Variants in GGACT observed in about 807,000 individuals in gnomAD.
The protein encoded by GGACT is gamma-glutamylaminecyclotransferase.
For missense variants in GGACT, 241 were observed against 233.2 expected (o/e 1.03, Z -0.22); for synonymous variants, 118 against 115.3 (o/e 1.02, Z -0.15).
In GGACT at chr13:100,530,587, A is replaced by C; in HGVS notation, c.*1543T>G. 3.4e-6 allele frequency: 1 copy of C among 290,566 alleles called. No individual in the cohort carries two copies. The highest frequency in any genetic ancestry group is 6.6e-6 in the Non-Finnish European group (1 of 151,398). 18.0% of individuals were successfully genotyped at this position (290,566 alleles called of 1,614,324 possible). On this transcript the variant is annotated 3_prime_UTR_variant, in exon 3 of 3. Coordinates refer to ENST00000683975, the MANE Select transcript of GGACT (RefSeq NM_001195087.2). ...TTGCTTTATTAAATTAGCACTTGCC[A>C]TTTTTTCATCTGATTGCCTTACTAC... is the stretch of plus-strand genomic sequence containing the variant.
intron 2 of GGACT, among the ~76,000 whole-genome samples, chr13:100,542,831 G>T (rs1309607663): frequency 2.0e-5 from 3 of 152,192 alleles, no homozygotes; most frequent in Non-Finnish European, 2.9e-5. Flanking sequence ...GAAGACTCAT[G>T]AGCTGTCCAT....
chr13:100,557,151 A>G (rs1290563853), intron 2 of GGACT, among the ~76,000 whole-genome samples: 31 of 152,234 alleles, frequency 2.0e-4, no homozygotes, highest in Non-Finnish European at 5.9e-5. Flanking sequence ...TTGGCCTCCT[A>G]AAGTGCTGGG....
At chr13:100,569,003 G>A (rs566209540) in intron 2 of GGACT, among the ~76,000 whole-genome samples, 10 of 152,376 alleles carry the variant, frequency 6.6e-5, no homozygotes, top group Non-Finnish European at 8.8e-5. Context: ...TGCAAGAGGT[G>A]GGCTCTCATG....
intron 2 of GGACT, among the ~76,000 whole-genome samples, chr13:100,572,421 T>C (rs1162689187): frequency 6.6e-6 from 1 of 152,192 alleles, no homozygotes; most frequent in African/African-American, 2.4e-5. Flanking sequence ...AGTTGTTTAA[T>C]GGATATAGAA....
At chr13:100,580,728 G>A (rs1458905268) in intron 2 of GGACT, among the ~76,000 whole-genome samples, 2 of 152,170 alleles carry the variant, frequency 1.3e-5, no homozygotes, top group African/African-American at 2.4e-5. Flanking sequence ...GGGAAGCTAT[G>A]AAATCTGCAC....
intron 2 of GGACT, among the ~76,000 whole-genome samples, chr13:100,554,404 A>C (rs537465250): frequency 2.0e-5 from 3 of 152,306 alleles, no homozygotes; most frequent in Non-Finnish European, 4.4e-5. Context: ...TTGCATTAGA[A>C]AAAGTGAGGG....
chr13:100,582,458 C>G (rs1452189689), intron 2 of GGACT, among the ~76,000 whole-genome samples: 2 of 152,138 alleles, frequency 1.3e-5, no homozygotes, highest in Non-Finnish European at 2.9e-5. Context: ...AACTCCTATG[C>G]CAAAAGGGAC....
intron 2 of GGACT, among the ~76,000 whole-genome samples, chr13:100,580,819 C>T (rs1875393629): frequency 6.6e-6 from 1 of 152,150 alleles, no homozygotes; most frequent in Non-Finnish European, 1.5e-5. Flanking sequence ...CACCTGTTGG[C>T]CCAGTCTACA....
intron 2 of GGACT, among the ~76,000 whole-genome samples, chr13:100,567,127 C>T (rs770677760): frequency 2.0e-4 from 30 of 152,202 alleles, no homozygotes; most frequent in Non-Finnish European, 7.3e-5. Flanking sequence ...ATGATTTCAA[C>T]TTGCTCCATT....
chr13:100,547,931 C>T (rs980877785), intron 2 of GGACT, among the ~76,000 whole-genome samples: 11 of 152,212 alleles, frequency 7.2e-5, no homozygotes, highest in Admixed American at 2.6e-4. Context: ...GAGTATTTTT[C>T]CAGGCCTGCT....
chr13:100,577,757 A>T (rs1020767333), intron 2 of GGACT, among the ~76,000 whole-genome samples: 5 of 151,794 alleles, frequency 3.3e-5, no homozygotes, highest in African/African-American at 1.2e-4. Context: ...ATGTCTGGAA[A>T]TGTTCACAGT....
intron 2 of GGACT, among the ~76,000 whole-genome samples, chr13:100,543,792 G>C (rs2088578238): frequency 6.6e-6 from 1 of 152,230 alleles, no homozygotes; most frequent in African/African-American, 2.4e-5. Context: ...AATAGTATCA[G>C]AATCATAAAC....
chr13:100,573,878 A>G (rs1460322485), intron 2 of GGACT, among the ~76,000 whole-genome samples: 1 of 97,268 alleles, frequency 1.0e-5, no homozygotes. Context: ...GGCATTATCA[A>G]AAAGTCAAAA....
intron 2 of GGACT, among the ~76,000 whole-genome samples, chr13:100,581,950 G>A (rs954151826): frequency 6.6e-6 from 1 of 152,214 alleles, no homozygotes; most frequent in African/African-American, 2.4e-5. Flanking sequence ...GATTTCTGGA[G>A]TGGAAGAAAG....
intron 2 of GGACT, among the ~76,000 whole-genome samples, chr13:100,542,395 A>G (rs1270196050): frequency 1.3e-5 from 2 of 152,220 alleles, no homozygotes; most frequent in Non-Finnish European, 2.9e-5. Context: ...CCAGTCCACG[A>G]AAGTAAATCT....
intron 2 of GGACT, chr13:100,533,245 G>A (rs1335418837): frequency 1.3e-5 from 2 of 154,720 alleles, no homozygotes; most frequent in Non-Finnish European, 2.9e-5. Context: ...CCCTGTCCAG[G>A]TGAGCAACTA....
At chr13:100,543,194 C>A (rs2088570184) in intron 2 of GGACT, among the ~76,000 whole-genome samples, 3 of 97,780 alleles carry the variant, frequency 3.1e-5, no homozygotes, top group East Asian at 3.1e-4. Flanking sequence ...AAAAAGACAC[C>A]AGCTTTTTTT....
intron 1 of GGACT, chr13:100,586,844 G>A (rs776246280): frequency 2.6e-5 from 4 of 152,182 alleles, no homozygotes; most frequent in African/African-American, 7.2e-5. Context: ...TGCCTTTTAC[G>A]GAGCAAGCTC....
chr13:100,540,460 C>T (rs761802479), intron 2 of GGACT, among the ~76,000 whole-genome samples: 1 of 152,144 alleles, frequency 6.6e-6, no homozygotes, highest in Non-Finnish European at 1.5e-5. Context: ...ATGTGTTGTT[C>T]TGTAGGACGT....
Sources: allele counts gnomAD v4.1 joint callset (sites outside exome capture counted in the v4.1 genomes callset), GRCh38; gene constraint gnomAD v4.1.1; transcripts MANE v1.5; gene names NCBI Gene and HGNC (gene_info 2026-07-23, HGNC 2026-07-21).